Variants in IQSEC3 observed in about 807,000 individuals in gnomAD.
IQSEC3 encodes IQ motif and Sec7 domain ArfGEF 3, also known as IQ motif and SEC7 domain-containing protein 3.
Under a neutral mutation model 105.4 loss-of-function variants are expected in IQSEC3, and 50 were observed. The observed-to-expected ratio is 0.47, with a 90% CI of 0.38 to 0.60. The LOEUF (loss-of-function observed/expected upper bound fraction) is 0.60, where lower values mean the gene tolerates loss of function less well. Among genes scored for constraint, IQSEC3 ranks in the 20% least tolerant of loss-of-function variants. IQSEC3 has a pLI of 0.00. For synonymous variants in IQSEC3, 708 were observed against 746.0 expected, an observed-to-expected ratio of 0.95 and a Z score of 0.83; for missense variants, 1,415 against 1,630.0, an observed-to-expected ratio of 0.87 and a Z score of 2.27.
chr12:161,603 C>G (rs114910068), intron 7 of IQSEC3, among the ~76,000 whole-genome samples: 6 of 152,088 alleles, frequency 3.9e-5, no homozygotes, highest in African/African-American at 1.4e-4. Flanking sequence ...ACTGCAGAGG[C>G]GCACAGGGTT....
chr12:93,195 G>A (rs1444513131), intron 1 of IQSEC3, among the ~76,000 whole-genome samples: 4 of 152,196 alleles, frequency 2.6e-5, no homozygotes, highest in African/African-American at 9.7e-5. Context: ...CACTTGTGGA[G>A]AACTGGTGCA....
In IQSEC3 at chr12:139,220, G is replaced by A; in HGVS notation, c.1857G>A (p.Lys619=). 6.2e-7 allele frequency: 1 copy of A among 1,602,950 alleles called. No homozygotes were observed. The highest frequency in any genetic ancestry group is 1.3e-5 in the African/African-American group (1 of 74,518). ...CGGAGGCGTCGGCCTCCGCCTCCAA[G>A]GACGCCCTGCAGGCCATGATCCTGA... ...SGSEASASAS[K]DALQAMILSL... The change falls in exon 4 of 14, where the codon AAG becomes AAA. Residue 619 remains lysine (K), a synonymous_variant. Coordinates refer to ENST00000538872, the MANE Select transcript of IQSEC3 (RefSeq NM_001170738.2).
At chr12:137,866 G>C (rs1256301158) in intron 3 of IQSEC3, among the ~76,000 whole-genome samples, 1 of 149,748 alleles carries the variant, frequency 6.7e-6, no homozygotes, top group Non-Finnish European at 1.5e-5. Context: ...GTCTAGCTAT[G>C]TTGCCCAGCC....
chr12:137,746 TG>T (rs545978178), intron 3 of IQSEC3: 151 of 153,160 alleles, frequency 9.9e-4, no homozygotes, highest in Admixed American at 1.9e-3. Flanking sequence ...TCCAACTCCT[TG>T]GGCTCAAGCA....
chr12:73,769 C>T (rs531200080), intron 1 of IQSEC3, among the ~76,000 whole-genome samples: 1 of 152,392 alleles, frequency 6.6e-6, no homozygotes, highest in Non-Finnish European at 1.5e-5. Context: ...AGAATGCAGG[C>T]TCAGGGTTTC....
chr12:124,264 C>T (rs1322498479), intron 2 of IQSEC3, among the ~76,000 whole-genome samples: 1 of 151,752 alleles, frequency 6.6e-6, no homozygotes, highest in East Asian at 1.9e-4. Context: ...TGGTGCATGC[C>T]TGTAATCCCA....
chr12:81,527 G>A (rs1220265454), intron 1 of IQSEC3, among the ~76,000 whole-genome samples: 1 of 152,156 alleles, frequency 6.6e-6, no homozygotes, highest in African/African-American at 2.4e-5. Flanking sequence ...GATCAGTGTG[G>A]GATGTGAGAC....
At chr12:167,854 A>T (rs527869047) in intron 11 of IQSEC3, 2 of 152,394 alleles carry the variant, frequency 1.3e-5, no homozygotes, top group South Asian at 4.1e-4. Context: ...GTTCACAGTC[A>T]GTGACAAAAC....
chr12:104,559 T>TA (rs34973828), intron 2 of IQSEC3, among the ~76,000 whole-genome samples: 44,810 of 150,336 alleles, frequency 0.3, 7,630 homozygotes, highest in East Asian at 0.75. Flanking sequence ...ACGCCCATTT[T>TA]AAAAAAAAAA....
intron 4 of IQSEC3, chr12:140,759 T>C (rs1865984550): frequency 4.6e-6 from 1 of 216,220 alleles, no homozygotes; most frequent in Non-Finnish European, 9.1e-6. Context: ...CTCACCTCTG[T>C]TTCTCCCACC....
At chr12:75,974 C>T (rs1257882916) in intron 1 of IQSEC3, among the ~76,000 whole-genome samples, 1 of 152,234 alleles carries the variant, frequency 6.6e-6, no homozygotes. Context: ...GAACCGACCC[C>T]AATCCTAGCT....
chr12:157,311 G>A (rs371174292), intron 6 of IQSEC3, among the ~76,000 whole-genome samples, 164 bp downstream of exon 6: 1 of 152,148 alleles, frequency 6.6e-6, no homozygotes, highest in East Asian at 1.9e-4. Flanking sequence ...ACAAGGGAAG[G>A]GAAGAAAAGG....
chr12:125,961 C>T, intron 3 of IQSEC3, 49 bp downstream of exon 3: 1 of 1,449,340 alleles, frequency 6.9e-7, no homozygotes, highest in Non-Finnish European at 9.0e-7. Context: ...AGGGGCCCTG[C>T]TTTGGGGGCT....
chr12:127,660 A>G (rs1265000614), intron 3 of IQSEC3, among the ~76,000 whole-genome samples: 5 of 152,136 alleles, frequency 3.3e-5, no homozygotes, highest in Admixed American at 3.3e-4. Context: ...TAAGACATTC[A>G]GGCCCTTCGC....
rs200617259 is a variant in IQSEC3 at position 165,935 on chromosome 12, A to G, written c.2971+45A>G. ...AGGCAGCTGGTGGGGGTTCCCATTC[A>G]GCAAGGGACAGGGGCAGCTTGAGAC... On this transcript the variant is annotated intron_variant, in intron 11 of 13. Coordinates refer to ENST00000538872, the MANE Select transcript of IQSEC3 (RefSeq NM_001170738.2). The G allele has an allele frequency of 1.6e-3, 2,570 of 1,598,530 alleles. 20 individuals carry two copies. Among genetic ancestry groups the G allele is most frequent in the South Asian group, 1.7e-3 (148 of 89,120 alleles).
chr12:109,618 T>C (rs2368787), intron 2 of IQSEC3, among the ~76,000 whole-genome samples: 48,400 of 151,720 alleles, frequency 0.32, 8,242 homozygotes, highest in Non-Finnish European at 0.38. Context: ...CCTTCTCACT[T>C]GCATCCCCCA....
intron 1 of IQSEC3, among the ~76,000 whole-genome samples, chr12:88,663 G>C (rs1207984045): frequency 4.6e-5 from 7 of 152,120 alleles, no homozygotes; most frequent in African/African-American, 1.7e-4. Context: ...CCGGCTTCTG[G>C]AACAGCTGTA....
At chr12:131,487 G>T (rs1865599409) in intron 3 of IQSEC3, among the ~76,000 whole-genome samples, 1 of 152,212 alleles carries the variant, frequency 6.6e-6, no homozygotes, top group Admixed American at 6.5e-5. Context: ...CCCAGGTCCT[G>T]CCAGGATGCC....
intron 1 of IQSEC3, among the ~76,000 whole-genome samples, chr12:71,450 T>C (rs1863314150): frequency 6.6e-6 from 1 of 152,268 alleles, no homozygotes. Flanking sequence ...TGCAGCTGCC[T>C]AAAGCAATCC....
Sources: gnomAD v4.1 joint callset for allele counts (sites outside exome capture counted in the v4.1 genomes callset) on GRCh38, gnomAD v4.1.1 for gene constraint, MANE v1.5 for transcripts, NCBI Gene and HGNC (gene_info 2026-07-23, HGNC 2026-07-21) for gene names.